The following TDRD3 variants were observed in gnomAD, a reference collection of about 807,000 sequenced individuals.
TDRD3 encodes the protein tudor domain containing 3.
TDRD3 carries 45 observed loss-of-function variants against 86.7 expected under a neutral mutation model. The ratio of observed to expected loss-of-function variants is 0.52; its 90% CI spans 0.41 to 0.67. The LOEUF (loss-of-function observed/expected upper bound fraction) is 0.67. Ranked by LOEUF, TDRD3 falls within the 30% of genes least tolerant of loss-of-function variation. TDRD3 has a pLI of 0.00. For synonymous variants in TDRD3, 298 were observed against 301.7 expected (o/e 0.99, Z 0.13); for missense variants, 814 against 889.0 (o/e 0.92, Z 1.07).
At chr13:60,419,548 A>T (rs544337644) in intron 1 of TDRD3, among the ~76,000 whole-genome samples, 4 of 151,946 alleles carry the variant, frequency 2.6e-5, no homozygotes, top group Non-Finnish European at 5.9e-5. Flanking sequence ...ACCAAACACC[A>T]TGTGTTCTCA....
intron 7 of TDRD3, among the ~76,000 whole-genome samples, chr13:60,492,420 C>T (rs1414812557): frequency 2.6e-5 from 4 of 152,096 alleles, no homozygotes; most frequent in African/African-American, 7.2e-5. Context: ...ATTTAATTCT[C>T]CAAATATCCC....
At chr13:60,503,974 T>C (rs1259453208) in intron 8 of TDRD3, among the ~76,000 whole-genome samples, 2 of 152,224 alleles carry the variant, frequency 1.3e-5, no homozygotes, top group African/African-American at 4.8e-5. Flanking sequence ...AAAGGGCAGA[T>C]TGGCATCAGA....
At chr13:60,485,380 AT>A (rs1956409174) in intron 6 of TDRD3, among the ~76,000 whole-genome samples, 4 of 152,048 alleles carry the variant, frequency 2.6e-5, no homozygotes, top group African/African-American at 9.7e-5. Context: ...ATATGTTAAT[AT>A]AATTGTACTA....
intron 12 of TDRD3, among the ~76,000 whole-genome samples, chr13:60,553,374 A>G (rs1298338343): frequency 6.6e-6 from 1 of 152,002 alleles, no homozygotes; most frequent in Non-Finnish European, 1.5e-5. Flanking sequence ...ATCTTCCTGT[A>G]TTCTTCTGAG....
intron 1 of TDRD3, among the ~76,000 whole-genome samples, chr13:60,422,857 A>G (rs189398189): frequency 3.3e-5 from 5 of 152,228 alleles, no homozygotes; most frequent in Admixed American, 2.6e-4. Flanking sequence ...TAAGGGGAAA[A>G]AACCAAAACA....
chr13:60,539,460 T>G (rs1957765762), intron 12 of TDRD3, among the ~76,000 whole-genome samples: 1 of 151,960 alleles, frequency 6.6e-6, no homozygotes. Context: ...AAAGATAAAA[T>G]TAATGTGGAA....
At position 60,405,896 on chromosome 13, in the gene TDRD3, G is replaced by A. The variant is rs192021156; in HGVS notation, c.41+8491G>A. 6.0e-4 allele frequency among the ~76,000 whole-genome samples: 92 copies of A among 152,284 alleles called. 2 individuals carry two copies. The highest frequency in any genetic ancestry group is 2.8e-3 in the Admixed American group (43 of 15,298). On this transcript the variant is annotated intron_variant, in intron 1 of 13. Coordinates refer to ENST00000377881, the MANE Select transcript of TDRD3 (RefSeq NM_001146070.2). ...TGGTTGAGATAGAGAGCAGCAGATC[G>A]ACTTGACAGATATTTGGAAGGTAAA... is the stretch of plus-strand genomic sequence containing the variant.
intron 6 of TDRD3, among the ~76,000 whole-genome samples, chr13:60,484,391 A>G (rs1292142018): frequency 6.6e-6 from 1 of 152,156 alleles, no homozygotes; most frequent in African/African-American, 2.4e-5. Flanking sequence ...TCTCCTGATG[A>G]TGCCATCAAA....
chr13:60,440,587 A>G (rs1435747404), intron 2 of TDRD3, among the ~76,000 whole-genome samples: 1 of 152,100 alleles, frequency 6.6e-6, no homozygotes, highest in Admixed American at 6.6e-5. Flanking sequence ...AGGCTGAGAC[A>G]GAAGAATCGC....
rs9570303 is a variant in TDRD3 at position 60,441,283 on chromosome 13, T to G, written c.126+1511T>G. Among the ~76,000 whole-genome samples, 33 of 151,346 alleles carry G rather than the reference T, an allele frequency of 2.2e-4. No homozygotes were observed. The East Asian group carries it at 4.5e-3, about 20-fold the overall frequency. On this transcript the variant is annotated intron_variant, in intron 2 of 13. Transcript: ENST00000377881. ...GAGATTTTATGACAATTTGCTGGGGTTTTTTTTTATTTATATTCTTAGGTA... is the reference window on the plus strand; with the variant it reads ...GAGATTTTATGACAATTTGCTGGGGGTTTTTTTTATTTATATTCTTAGGTA...
chr13:60,522,470 A>C (rs1957309879), intron 10 of TDRD3, among the ~76,000 whole-genome samples: 1 of 152,154 alleles, frequency 6.6e-6, no homozygotes, highest in South Asian at 2.1e-4. Flanking sequence ...GTGCTTATTA[A>C]AGCCAGATAC....
rs1231334314 is a variant in TDRD3 at position 60,467,318 on chromosome 13, C to CT, written c.435dup (p.Asn146Ter). 1 of 1,613,948 alleles carries CT rather than the reference C, an allele frequency of 6.2e-7. No individual in the cohort carries two copies. The highest frequency in any genetic ancestry group is 8.5e-7 in the Non-Finnish European group (1 of 1,179,898). On this transcript the variant is annotated frameshift_variant, in exon 5 of 14. Coordinates refer to ENST00000377881, the MANE Select transcript of TDRD3 (RefSeq NM_001146070.2). LOFTEE classifies it high-confidence loss of function. ...AATGGATTCCTGCTCTTGAATGACT[C>CT]TAACACCACAGTTCTTGGTGGTGAA...
At chr13:60,397,068 A>G (rs1953930869), upstream of TDRD3, 4 of 309,234 alleles carry the variant, frequency 1.3e-5, no homozygotes, top group East Asian at 2.0e-4. Flanking sequence ...GGAAGAGGCA[A>G]AGTCCCTGAA....
chr13:60,486,971 G>A (rs566044233), intron 7 of TDRD3, among the ~76,000 whole-genome samples: 1 of 152,010 alleles, frequency 6.6e-6, no homozygotes, highest in African/African-American at 2.4e-5. Flanking sequence ...TCCATTATGT[G>A]TAGACAGTCA....
chr13:60,431,021 C>T (rs1416436066), intron 1 of TDRD3, among the ~76,000 whole-genome samples: 3 of 151,932 alleles, frequency 2.0e-5, no homozygotes, highest in South Asian at 4.2e-4. Context: ...TATTTCCAGA[C>T]GATATAGATG....
In TDRD3 at chr13:60,528,495, G is replaced by T. The variant is rs75484195; in HGVS notation, c.1270G>T (p.Glu424Ter). The change falls in exon 11 of 14, where the codon GAA becomes TAA. Residue 424 changes from glutamate (E) to a stop codon, truncating the protein, a stop_gained. Coordinates refer to ENST00000377881, the MANE Select transcript of TDRD3 (RefSeq NM_001146070.2). LOFTEE classifies it high-confidence loss of function. ...AAATGATACCAGGCAGCCAAGAAAT[G>T]AAAAACCGCCTCGTTTTCAAAGAGA... ...PRNDTRQPRN[E>*]KPPRFQRDSQ... The T allele has an allele frequency of 6.2e-7, 1 of 1,613,928 alleles. No individual in the cohort carries two copies. The highest frequency in any genetic ancestry group is 2.2e-5 in the East Asian group (1 of 44,858).
chr13:60,493,496 T>C (rs902427025), intron 7 of TDRD3, among the ~76,000 whole-genome samples: 2 of 151,886 alleles, frequency 1.3e-5, no homozygotes, highest in African/African-American at 2.4e-5. Context: ...ACCCCATCTC[T>C]ACTAAAAATA....
At chr13:60,494,227 T>C (rs1370150262) in intron 7 of TDRD3, among the ~76,000 whole-genome samples, 2 of 152,230 alleles carry the variant, frequency 1.3e-5, no homozygotes, top group Admixed American at 6.5e-5. Context: ...GTAATTATTT[T>C]TATTGCCTGG....
intron 1 of TDRD3, among the ~76,000 whole-genome samples, chr13:60,428,240 A>G (rs1954859847): frequency 6.7e-6 from 1 of 148,812 alleles, no homozygotes; most frequent in Non-Finnish European, 1.5e-5. Context: ...ATCTAGTATG[A>G]TTTTCTTATT....
Sources: allele counts gnomAD v4.1 joint callset (sites outside exome capture counted in the v4.1 genomes callset), GRCh38; gene constraint gnomAD v4.1.1; transcripts MANE v1.5; gene names NCBI Gene and HGNC (gene_info 2026-07-23, HGNC 2026-07-21).